The following CCDC191 variants were observed in gnomAD, a reference collection of about 807,000 sequenced individuals.
CCDC191 encodes the protein coiled-coil domain containing 191.
Under a neutral mutation model 114.0 loss-of-function variants are expected in CCDC191, and 99 were observed. The ratio of observed to expected loss-of-function variants is 0.87; its 90% CI spans 0.74 to 1.03. The LOEUF (loss-of-function observed/expected upper bound fraction) is 1.03, where lower values mean the gene tolerates loss of function less well. CCDC191 is among the 50% of genes least tolerant of loss of function. The pLI is 0.00. For missense variants in CCDC191, 973 were observed against 1,087.0 expected (o/e 0.90, Z 1.47); for synonymous variants, 351 against 376.0 (o/e 0.93, Z 0.77).
At chr3:114,000,561 T>C (rs552663688) in intron 13 of CCDC191, among the ~76,000 whole-genome samples, 1 of 152,292 alleles carries the variant, frequency 6.6e-6, no homozygotes, top group South Asian at 2.1e-4. Flanking sequence ...CTAATACAAT[T>C]CTCCATTCAA....
At chr3:114,021,588 G>A (rs761633827) in intron 7 of CCDC191, among the ~76,000 whole-genome samples, 7 of 152,082 alleles carry the variant, frequency 4.6e-5, no homozygotes, top group African/African-American at 7.2e-5. Context: ...ACTCAGTTCC[G>A]TCTTCTCTGG....
intron 8 of CCDC191, among the ~76,000 whole-genome samples, chr3:114,014,963 A>G (rs1172624925): frequency 6.6e-6 from 1 of 152,214 alleles, no homozygotes; most frequent in Admixed American, 6.5e-5. Flanking sequence ...TCTAGTATAC[A>G]GTAAACATCA....
At chr3:114,003,851 G>A in intron 11 of CCDC191, 1 of 985,416 alleles carries the variant, frequency 1.0e-6, no homozygotes, top group South Asian at 4.7e-5. Context: ...CAATATAATT[G>A]TCAAAGTGCC....
chr3:114,029,011 G>A (rs1457794363), intron 7 of CCDC191, among the ~76,000 whole-genome samples: 2 of 151,462 alleles, frequency 1.3e-5, no homozygotes, highest in Non-Finnish European at 2.9e-5. Context: ...TGTCTGCTGA[G>A]GCGGCCTAGA....
intron 9 of CCDC191, among the ~76,000 whole-genome samples, chr3:114,006,597 T>TAA (rs1276567817): frequency 7.4e-6 from 1 of 135,526 alleles, no homozygotes; most frequent in African/African-American, 2.9e-5. Flanking sequence ...GATATATATA[T>TAA]ATATATATAT....
intron 13 of CCDC191, among the ~76,000 whole-genome samples, chr3:113,991,108 T>C (rs916968993): frequency 1.3e-5 from 2 of 151,656 alleles, no homozygotes; most frequent in Non-Finnish European, 2.9e-5. Context: ...TGGTGGCGCA[T>C]GCCTCTAATC....
chr3:113,975,162 T>C (rs568880791), intron 16 of CCDC191, among the ~76,000 whole-genome samples: 1 of 152,302 alleles, frequency 6.6e-6, no homozygotes, highest in African/African-American at 2.4e-5. Flanking sequence ...AGAACTATGG[T>C]AGCAAGACAA....
chr3:114,009,312 AATT>A (rs1190426617), intron 9 of CCDC191, among the ~76,000 whole-genome samples: 1 of 152,128 alleles, frequency 6.6e-6, no homozygotes, highest in East Asian at 1.9e-4. Flanking sequence ...TAAACTTTTA[AATT>A]ATTAACTTTT....
Position 113,991,707 on chromosome 3 carries a change from T to C in CCDC191, c.2163+9888A>G, listed in dbSNP as rs138853994. 1.8e-4 allele frequency among the ~76,000 whole-genome samples: 27 copies of C among 152,256 alleles called. No homozygotes were observed. The East Asian group carries it at 5.0e-3, about 28-fold the overall frequency. ...ATAAATAAGTAAAAGGCATGCAGAT[T>C]GGAAAGGAAGAAATAATATTGCATT... On this transcript the variant is annotated intron_variant, in intron 13 of 16. Transcript: ENST00000295878.
At chr3:113,970,444 G>T (rs1300866879) in intron 16 of CCDC191, among the ~76,000 whole-genome samples, 1 of 152,092 alleles carries the variant, frequency 6.6e-6, no homozygotes, top group Non-Finnish European at 1.5e-5. Context: ...ACAGCCATGA[G>T]CCATCACATC....
Position 114,010,822 on chromosome 3 carries a change from G to A in CCDC191, c.1363C>T (p.Leu455=), listed in dbSNP as rs753602165. The A allele has an allele frequency of 6.8e-6, 11 of 1,613,942 alleles. No individual in the cohort carries two copies. In the South Asian group the frequency reaches 1.2e-4, roughly 18 times the overall value. ...LSANGLSGIS[L]PEEATAMVGP... ...ACCATGGCTGTTGCCTCCTCAGGTA[G>A]ACTGATGCCTGATAACCCATTGGCA... The change falls in exon 9 of 17, where the codon CTA becomes TTA. Residue 455 remains leucine, a synonymous_variant. Transcript: ENST00000295878.
chr3:113,974,811 G>A (rs1188834416), intron 16 of CCDC191, among the ~76,000 whole-genome samples: 3 of 152,072 alleles, frequency 2.0e-5, no homozygotes, highest in African/African-American at 7.2e-5. Flanking sequence ...GCACTAGATG[G>A]TGCTTTAATC....
At chr3:114,036,478 A>C (rs1476440457) in intron 5 of CCDC191, 130 bp downstream of exon 5, 1 of 527,292 alleles carries the variant, frequency 1.9e-6, no homozygotes, top group Non-Finnish European at 3.2e-6. Context: ...TTTTATTTTT[A>C]TTCTCCCTAA....
intron 16 of CCDC191, among the ~76,000 whole-genome samples, chr3:113,972,967 T>C (rs1349783228): frequency 6.6e-6 from 1 of 152,142 alleles, no homozygotes; most frequent in Admixed American, 6.5e-5. Flanking sequence ...GTAGGTGTCT[T>C]ATAGGCAGCA....
At chr3:114,030,225 CAT>C (rs1299456795) in intron 7 of CCDC191, among the ~76,000 whole-genome samples, 1 of 152,154 alleles carries the variant, frequency 6.6e-6, no homozygotes, top group Admixed American at 6.5e-5. Context: ...TGTAAAACTG[CAT>C]ATGTGTCTAA....
intron 13 of CCDC191, among the ~76,000 whole-genome samples, chr3:113,990,603 A>G (rs1057054858): frequency 7.9e-5 from 12 of 151,670 alleles, no homozygotes; most frequent in African/African-American, 2.9e-4. Flanking sequence ...CAAAACCTAC[A>G]GAAATAAAAA....
chr3:113,964,738 G>C lies in CCDC191; in HGVS notation c.*417C>G, dbSNP rs939588438. The stretch of plus-strand genomic sequence containing the variant: ...ACTGATGCTACTGCACTAGAAGGCT[G>C]AGTGCCTTGGCCCGCCCTTCCTTTC... On this transcript the variant is annotated 3_prime_UTR_variant, in exon 17 of 17. Transcript: ENST00000295878. The C allele has an allele frequency of 6.6e-6, 1 of 152,610 alleles. No individual in the cohort carries two copies. The highest frequency in any genetic ancestry group is 2.4e-5 in the African/African-American group (1 of 41,478). 9.5% of individuals were successfully genotyped at this position (152,610 alleles called of 1,614,324 possible).
At chr3:114,002,417 CCTT>C (rs765268121) in intron 12 of CCDC191, 36 bp downstream of exon 12, 7 of 1,423,338 alleles carry the variant, frequency 4.9e-6, no homozygotes, top group Non-Finnish European at 6.9e-6. Context: ...CTGGACAAAT[CCTT>C]CTTTTTTGAC....
At chr3:114,039,227 T>G (rs1015584370) in intron 4 of CCDC191, among the ~76,000 whole-genome samples, 1 of 152,024 alleles carries the variant, frequency 6.6e-6, no homozygotes, top group African/African-American at 2.4e-5. Flanking sequence ...AAAATTGGGC[T>G]GGGCACAGTG....
Sources: gnomAD v4.1 joint callset for allele counts (sites outside exome capture counted in the v4.1 genomes callset) on GRCh38, gnomAD v4.1.1 for gene constraint, MANE v1.5 for transcripts, NCBI Gene and HGNC (gene_info 2026-07-23, HGNC 2026-07-21) for gene names.